Variants in CDH22 observed in about 807,000 individuals in gnomAD.
CDH22 encodes the protein cadherin 22, also known as cadherin-22.
CDH22 carries 30 observed loss-of-function variants against 58.4 expected under a neutral mutation model. That is an observed-to-expected ratio of 0.51 (90% CI 0.38 to 0.70). The LOEUF is 0.70. CDH22 is among the 30% of genes least tolerant of loss of function. CDH22 has a pLI of 0.00. For synonymous variants in CDH22, 513 were observed against 558.2 expected, an observed-to-expected ratio of 0.92 and a Z score of 1.14; for missense variants, 1,014 against 1,233.9, an observed-to-expected ratio of 0.82 and a Z score of 2.67.
intron 11 of CDH22, among the ~76,000 whole-genome samples, chr20:46,175,866 G>A (rs1224822752): frequency 6.6e-6 from 1 of 152,196 alleles, no homozygotes; most frequent in African/African-American, 2.4e-5. Context: ...GTGTTACCAG[G>A]TCTGTCTCCA....
At chr20:46,211,226 A>G (rs189799393) in intron 6 of CDH22, among the ~76,000 whole-genome samples, 11 of 152,314 alleles carry the variant, frequency 7.2e-5, no homozygotes, top group African/African-American at 2.4e-4. Context: ...TGACCGTCTA[A>G]AGACACTGCC....
At chr20:46,195,324 A>G (rs1421043307) in intron 8 of CDH22, among the ~76,000 whole-genome samples, 1 of 152,202 alleles carries the variant, frequency 6.6e-6, no homozygotes, top group Non-Finnish European at 1.5e-5. Context: ...TGGAAGGTAC[A>G]GTTTCCCAGG....
chr20:46,271,980 C>T (rs2145758247), intron 1 of CDH22, among the ~76,000 whole-genome samples: 1 of 152,314 alleles, frequency 6.6e-6, no homozygotes, highest in Non-Finnish European at 1.5e-5. Context: ...TTCCTCTTCC[C>T]TAAAACTGAC....
At chr20:46,258,875 G>A (rs151223509) in intron 1 of CDH22, among the ~76,000 whole-genome samples, 1 of 152,222 alleles carries the variant, frequency 6.6e-6, no homozygotes, top group African/African-American at 2.4e-5. Context: ...AGGGTCCCAG[G>A]GGCCAAGAAG....
At chr20:46,282,460 A>T (rs2425855) in intron 1 of CDH22, among the ~76,000 whole-genome samples, 87,122 of 151,876 alleles carry the variant, frequency 0.57, 25,308 homozygotes, top group South Asian at 0.74. Flanking sequence ...ATAAAAAGGG[A>T]AAGGAAAAAA....
intron 6 of CDH22, among the ~76,000 whole-genome samples, chr20:46,211,555 A>C (rs2086043657): frequency 6.6e-6 from 1 of 152,008 alleles, no homozygotes; most frequent in African/African-American, 2.4e-5. Flanking sequence ...CCGCAGAGAC[A>C]CCCTAGGCGC....
intron 1 of CDH22, among the ~76,000 whole-genome samples, chr20:46,257,481 A>T (rs1438684758): frequency 1.3e-5 from 2 of 152,128 alleles, no homozygotes; most frequent in Non-Finnish European, 2.9e-5. Flanking sequence ...ATGGGTCAGA[A>T]ATGGGGTTCA....
At chr20:46,307,906 C>T (rs1329213568) in intron 1 of CDH22, among the ~76,000 whole-genome samples, 7 of 152,036 alleles carry the variant, frequency 4.6e-5, no homozygotes, top group Non-Finnish European at 1.5e-5. Flanking sequence ...CGCGCCGGCT[C>T]GGCCCCTGGC....
intron 1 of CDH22, among the ~76,000 whole-genome samples, chr20:46,261,987 A>C (rs975031730): frequency 6.6e-6 from 1 of 152,072 alleles, no homozygotes; most frequent in Non-Finnish European, 1.5e-5. Context: ...ACATGCATGC[A>C]TGTGCATCAC....
At chr20:46,243,527 CT>C (rs1270057694) in intron 2 of CDH22, among the ~76,000 whole-genome samples, 1 of 152,112 alleles carries the variant, frequency 6.6e-6, no homozygotes, top group Non-Finnish European at 1.5e-5. Flanking sequence ...TCATAAGTGG[CT>C]GGATTGTAAA....
Position 46,251,276 on chromosome 20 carries a change from C to A in CDH22, c.19G>T (p.Gly7Cys), listed in dbSNP as rs1471074268. 5.5e-6 allele frequency: 8 copies of A among 1,461,160 alleles called. No individual in the cohort carries two copies. Among genetic ancestry groups the A allele is most frequent in the Non-Finnish European group, 7.2e-6 (8 of 1,113,402 alleles). 90.5% of individuals were successfully genotyped at this position (1,461,160 alleles called of 1,614,324 possible). The change falls in exon 2 of 12, where the codon GGT (glycine) becomes TGT (cysteine). Residue 7 changes from glycine (G) to cysteine (C), a missense_variant. Coordinates refer to ENST00000537909, the MANE Select transcript of CDH22 (RefSeq NM_021248.3). The surrounding 1 kb of genome is among the most constrained non-coding windows in gnomAD (Gnocchi z 6.7). ...GCGACTCCCGCCCGGAGCCCCCTAC[C>A]TTCGGGCCTCGGCCTCATCCTTGGC... Reference protein sequence around the residue: MRPRPEGRGLRAGVALS... With the variant: MRPRPECRGLRAGVALS...
In CDH22 at chr20:46,270,168, A is replaced by G. The variant is rs1183094427; in HGVS notation, c.-399-18475T>C. Among the ~76,000 whole-genome samples the G allele has an allele frequency of 2.0e-5, 3 of 152,334 alleles. No homozygotes were observed. In the East Asian group the frequency reaches 5.8e-4, roughly 29 times the overall value. On this transcript the variant is annotated intron_variant, in intron 1 of 11. Coordinates refer to ENST00000537909, the MANE Select transcript of CDH22 (RefSeq NM_021248.3). ...GGGGAAGAAAGTAGAAAGGGAAGGC[A>G]TAGCCAGCCCGAGCACCTTGCTACA...
chr20:46,248,049 G>A lies in CDH22; in HGVS notation c.255+2991C>T, dbSNP rs1011230174. On this transcript the variant is annotated intron_variant, in intron 2 of 11. Transcript: ENST00000537909. The stretch of plus-strand genomic sequence containing the variant: ...GGCTCTTGAAGTGAGCACGGAGATT[G>A]TGTTAGGAGACCTGGTTTCTTGGGT... 2.0e-5 allele frequency among the ~76,000 whole-genome samples: 3 copies of A among 152,230 alleles called. No homozygotes were observed. In the South Asian group the frequency reaches 6.2e-4, roughly 31 times the overall value.
At chr20:46,303,793 C>T (rs993963457) in intron 1 of CDH22, among the ~76,000 whole-genome samples, 3 of 152,016 alleles carry the variant, frequency 2.0e-5, no homozygotes, top group Non-Finnish European at 4.4e-5. Flanking sequence ...GTCATAGTGC[C>T]GAGTCTGGAC....
At chr20:46,259,358 C>G (rs553512038) in intron 1 of CDH22, among the ~76,000 whole-genome samples, 1 of 152,188 alleles carries the variant, frequency 6.6e-6, no homozygotes, top group Non-Finnish European at 1.5e-5. Context: ...ACAAATAAGC[C>G]TTAACAGGTT....
chr20:46,233,792 C>T (rs1026902854), intron 3 of CDH22, among the ~76,000 whole-genome samples: 11 of 152,256 alleles, frequency 7.2e-5, no homozygotes, highest in African/African-American at 2.7e-4. Context: ...CCACCAGAAG[C>T]CTCCTGTCCC....
At chr20:46,245,170 C>G (rs2086319477) in intron 2 of CDH22, among the ~76,000 whole-genome samples, 1 of 152,142 alleles carries the variant, frequency 6.6e-6, no homozygotes, top group African/African-American at 2.4e-5. Flanking sequence ...CTAATTCATC[C>G]CCTATCTCCT....
Position 46,251,476 on chromosome 20 carries a change from T to G in CDH22, c.-182A>C. The stretch of plus-strand genomic sequence containing the variant: ...CCTGAACGCCGCCCAGCCGCGGGGG[T>G]ACCCGGCTGGAGGGGGAGGGGGCGC... On this transcript the variant is annotated 5_prime_UTR_variant, in exon 2 of 12. Coordinates refer to ENST00000537909, the MANE Select transcript of CDH22 (RefSeq NM_021248.3). The surrounding 1 kb of genome is among the most constrained non-coding windows in gnomAD (Gnocchi z 6.7). The G allele has an allele frequency of 1.0e-5, 6 of 593,992 alleles. No individual in the cohort carries two copies. Among genetic ancestry groups the G allele is most frequent in the South Asian group, 6.2e-5 (1 of 16,136 alleles). 36.8% of individuals were successfully genotyped at this position (593,992 alleles called of 1,614,324 possible).
chr20:46,280,397 G>C (rs1000720380), intron 1 of CDH22, among the ~76,000 whole-genome samples: 16 of 152,218 alleles, frequency 1.1e-4, no homozygotes, highest in African/African-American at 3.6e-4. Flanking sequence ...TCCAGCCTGG[G>C]CGACAGAGTG....
Sources: allele counts gnomAD v4.1 joint callset (sites outside exome capture counted in the v4.1 genomes callset), GRCh38; gene constraint gnomAD v4.1.1; non-coding constraint Gnocchi (gnomAD v3.1); transcripts MANE v1.5; gene names NCBI Gene and HGNC (gene_info 2026-07-23, HGNC 2026-07-21).